Variants in PLCG2 observed in about 807,000 individuals in gnomAD.
The protein encoded by PLCG2 is 1-phosphatidylinositol 4,5-bisphosphate phosphodiesterase gamma-2.
In PLCG2, 69 loss-of-function variants were observed where a neutral mutation model predicts 175.6. The ratio of observed to expected loss-of-function variants is 0.39; its 90% CI spans 0.32 to 0.48. The LOEUF (loss-of-function observed/expected upper bound fraction) is 0.48, where lower values mean the gene tolerates loss of function less well. Among genes scored for constraint, PLCG2 ranks in the 20% least tolerant of loss-of-function variants. The pLI, the probability that PLCG2 is intolerant of heterozygous loss-of-function variation, is 0.91. For missense variants in PLCG2, 1,798 were observed against 1,650.9 expected (o/e 1.09, Z -1.54); for synonymous variants, 827 against 624.0 (o/e 1.33, Z -4.85).
rs1164074615 is a variant in PLCG2, at chr16:81,849,767, GTCTC to G, written c.194-4676_194-4673del. The stretch of plus-strand genomic sequence containing the variant: ...GCCTGGGCAACAAGAGCAAAACTCT[GTCTC>G]AAAAAAAAAAAAAAAAAAAAAAAAA... On this transcript the variant is annotated intron_variant, in intron 2 of 32. Transcript: ENST00000564138. 3.7e-3 allele frequency among the ~76,000 whole-genome samples: 271 copies of G among 73,762 alleles called. 5 individuals carry two copies. The highest frequency in any genetic ancestry group is 0.014 in the African/African-American group (242 of 17,110). 48.4% of individuals were successfully genotyped at this position (73,762 alleles called of 152,430 possible). A position where few individuals can be genotyped will look rare whatever the true frequency, so the allele number is the denominator to read the frequency against.
At chr16:81,867,175 G>A (rs142707750) in intron 5 of PLCG2, among the ~76,000 whole-genome samples, 4 of 152,358 alleles carry the variant, frequency 2.6e-5, no homozygotes, top group East Asian at 3.9e-4. Context: ...CCAGGGCAGC[G>A]GCTGGGCAGT....
chr16:81,924,893 T>TA (rs1311920998), intron 22 of PLCG2, among the ~76,000 whole-genome samples: 1 of 152,236 alleles, frequency 6.6e-6, no homozygotes, highest in Admixed American at 6.5e-5. Flanking sequence ...GTTCAGAGGC[T>TA]CGGCTTTGCC....
chr16:81,783,764 G>C (rs976517343), intron 1 of PLCG2, among the ~76,000 whole-genome samples: 2 of 152,164 alleles, frequency 1.3e-5, no homozygotes, highest in South Asian at 4.1e-4. Flanking sequence ...CCTTTGTCCT[G>C]GCTAATGATC....
intron 2 of PLCG2, among the ~76,000 whole-genome samples, chr16:81,802,387 C>G (rs993212200): frequency 6.6e-6 from 1 of 151,848 alleles, no homozygotes; most frequent in Non-Finnish European, 1.5e-5. Context: ...GCTGGGATTA[C>G]AGGCGTGAGC....
intron 3 of PLCG2, chr16:81,857,990 C>G: frequency 2.3e-6 from 1 of 436,444 alleles, no homozygotes; most frequent in Non-Finnish European, 4.2e-6. Context: ...CCCACCACTC[C>G]CTCCATTCTT....
rs747155855 is a variant in PLCG2 at position 81,858,333 on chromosome 16, G to A, written c.408G>A (p.Ala136=). Residue 136 remains alanine (A), a synonymous_variant, in exon 4 of 33, where the codon GCG becomes GCA. Transcript: ENST00000564138. ...TCTTACACCAGGAAGCGATGAATGC[G>A]TCCACGCCCACCATTATCGAGAGGT... ...LKILHQEAMN[A]STPTIIESWL... 6.2e-6 allele frequency: 10 copies of A among 1,613,268 alleles called. No homozygotes were observed. The highest frequency in any genetic ancestry group is 4.5e-5 in the East Asian group (2 of 44,896).
chr16:81,947,834 G>A (rs1267483047), intron 31 of PLCG2, among the ~76,000 whole-genome samples: 1 of 152,162 alleles, frequency 6.6e-6, no homozygotes, highest in East Asian at 1.9e-4. Context: ...TGTAAGAAAG[G>A]TGGGGGAGTT....
chr16:81,770,698 C>G (rs1320222157), intron 2 of PLCG2, among the ~76,000 whole-genome samples: 1 of 152,028 alleles, frequency 6.6e-6, no homozygotes, highest in Non-Finnish European at 1.5e-5. Context: ...CCTGCTTGGG[C>G]TACAGAGTGA....
rs1376515413 is a variant in PLCG2 at position 81,858,344 on chromosome 16, C to A, written c.419C>A (p.Thr140Asn). 6.2e-7 allele frequency: 1 copy of A among 1,613,066 alleles called. No homozygotes were observed. Residue 140 changes from threonine to asparagine, a missense_variant, in exon 4 of 33, where the codon ACC becomes AAC. Coordinates refer to ENST00000564138, the MANE Select transcript of PLCG2 (RefSeq NM_002661.5). ...HQEAMNASTP[T>N]IIESWLRKQI... ...GAAGCGATGAATGCGTCCACGCCCA[C>A]CATTATCGAGAGGTAGTTGGCTTTT...
chr16:81,927,585 G>A (rs1000167252), intron 23 of PLCG2, among the ~76,000 whole-genome samples: 3 of 152,196 alleles, frequency 2.0e-5, no homozygotes, highest in Non-Finnish European at 2.9e-5. Context: ...GGCCTTCCTG[G>A]TGACTTTGCA....
chr16:81,777,257 T>C (rs1910431418), upstream of PLCG2, among the ~76,000 whole-genome samples: 1 of 152,210 alleles, frequency 6.6e-6, no homozygotes. Context: ...CCACACATTC[T>C]GATTATATGC....
rs1331428130 is a variant in PLCG2 at position 81,891,737 on chromosome 16, G to C, written c.986+147G>C. The C allele has an allele frequency of 5.3e-6, 3 of 564,200 alleles. No individual in the cohort carries two copies. In the South Asian group the frequency reaches 6.9e-5, roughly 13 times the overall value. 34.9% of individuals were successfully genotyped at this position (564,200 alleles called of 1,614,324 possible). On this transcript the variant is annotated intron_variant, in intron 11 of 32. Coordinates refer to ENST00000564138, the MANE Select transcript of PLCG2 (RefSeq NM_002661.5). ...ATTCCTTGGACTAAAATACACAGAA[G>C]CTTCTGGAAGGGGCTGGGAACACAC...
intron 7 of PLCG2, among the ~76,000 whole-genome samples, chr16:81,871,159 G>A (rs1907494664): frequency 6.6e-6 from 1 of 152,158 alleles, no homozygotes; most frequent in South Asian, 2.1e-4. Flanking sequence ...GTGTTCATAT[G>A]CCTTCCTGGT....
chr16:81,919,071 C>A (rs1045013715), intron 19 of PLCG2, among the ~76,000 whole-genome samples: 2 of 152,182 alleles, frequency 1.3e-5, no homozygotes, highest in Non-Finnish European at 2.9e-5. Flanking sequence ...TCTGCTGTTA[C>A]AGTGTGAAAA....
At chr16:81,747,869 A>C (rs1013018377) in intron 1 of PLCG2, among the ~76,000 whole-genome samples, 1 of 152,120 alleles carries the variant, frequency 6.6e-6, no homozygotes, top group East Asian at 1.9e-4. Context: ...CATGACTGTT[A>C]AATGAATGAC....
intron 22 of PLCG2, among the ~76,000 whole-genome samples, chr16:81,923,874 C>T (rs1162685666): frequency 6.6e-6 from 1 of 152,200 alleles, no homozygotes; most frequent in Non-Finnish European, 1.5e-5. Flanking sequence ...TTCTAAGTGG[C>T]AAGCAGTCTG....
rs2143527633 is a variant in PLCG2, at chr16:81,869,382, T to C, written c.564+84T>C. ...ATGAAGCCGTGGCTTGCCTTTGAGT[T>C]CCGTGGAATAGTGCACAAGAAAATC... On this transcript the variant is annotated intron_variant, in intron 6 of 32. Transcript: ENST00000564138. The C allele has an allele frequency of 9.4e-6, 9 of 953,056 alleles. No homozygotes were observed. In the South Asian group the frequency reaches 1.2e-4, roughly 13 times the overall value. The allele number at this position is 953,056 out of a possible 1,614,324, so 59.0% of individuals were successfully genotyped here.
chr16:81,802,557 G>C (rs757062192), intron 2 of PLCG2, among the ~76,000 whole-genome samples: 45 of 152,088 alleles, frequency 3.0e-4, no homozygotes, highest in South Asian at 6.2e-4. Context: ...CTATAGATTT[G>C]TTTTCTTTCT....
At chr16:81,835,502 C>G (rs893464897) in intron 2 of PLCG2, among the ~76,000 whole-genome samples, 1 of 152,002 alleles carries the variant, frequency 6.6e-6, no homozygotes, top group Non-Finnish European at 1.5e-5. Flanking sequence ...TCGCTTAAAC[C>G]TGGGAGGTGG....
Sources: allele counts gnomAD v4.1 joint callset (sites outside exome capture counted in the v4.1 genomes callset), GRCh38; gene constraint gnomAD v4.1.1; transcripts MANE v1.5; gene names NCBI Gene and HGNC (gene_info 2026-07-23, HGNC 2026-07-21).